The following NXN variants were observed in gnomAD, a reference collection of about 807,000 sequenced individuals.
The protein encoded by NXN is nucleoredoxin, also known as nucleoredoxin 1.
In NXN, 16 loss-of-function variants were observed where a neutral mutation model predicts 48.6. The observed-to-expected ratio is 0.33, with a 90% confidence interval of 0.22 to 0.50. The LOEUF is 0.50. NXN is among the 20% of genes least tolerant of loss of function. The pLI is 0.98. For synonymous variants in NXN, 281 were observed against 269.6 expected (o/e 1.04, Z -0.41); for missense variants, 492 against 605.5 (o/e 0.81, Z 1.97).
At chr17:904,615 C>T (rs2068566930) in intron 1 of NXN, among the ~76,000 whole-genome samples, 1 of 152,190 alleles carries the variant, frequency 6.6e-6, no homozygotes, top group African/African-American at 2.4e-5. Flanking sequence ...GCCATCTCGG[C>T]TCACTGCAAC....
intron 5 of NXN, among the ~76,000 whole-genome samples, chr17:813,236 C>T (rs912100505): frequency 3.3e-5 from 5 of 152,242 alleles, no homozygotes; most frequent in African/African-American, 1.2e-4. Flanking sequence ...AGCCTGGCCA[C>T]ATTTAAATAT....
At chr17:957,460 C>T (rs915549961) in intron 1 of NXN, among the ~76,000 whole-genome samples, 4 of 151,940 alleles carry the variant, frequency 2.6e-5, no homozygotes, top group South Asian at 2.1e-4. Context: ...GGCGAAACAC[C>T]GTCTCTACTA....
At chr17:904,210 G>A (rs545895141) in intron 1 of NXN, among the ~76,000 whole-genome samples, 2 of 152,320 alleles carry the variant, frequency 1.3e-5, no homozygotes, top group East Asian at 1.9e-4. Context: ...CCTGGGGAAG[G>A]GCTGGCCGAG....
chr17:966,126 A>G lies in NXN; in HGVS notation c.360+13193T>C, dbSNP rs188764485. On this transcript the variant is annotated intron_variant, in intron 1 of 7. Coordinates refer to ENST00000336868, the MANE Select transcript of NXN (RefSeq NM_022463.5). ...AGCAAAATTCTGTCTCAAAAAAAAA[A>G]AAAAGAAAAGAAAAGTGAATGCAAT... Among the ~76,000 whole-genome samples the G allele has an allele frequency of 3.0e-3, 456 of 152,062 alleles. 3 individuals are homozygous for G. The highest frequency in any genetic ancestry group is 8.8e-3 in the African/African-American group (366 of 41,486).
rs77672918 is a variant in NXN at position 881,787 on chromosome 17, G to A, written c.361-55709C>T. ...TGGGACACTTCTCAGCAATAAGAAG[G>A]AACAAACTGATGTATACAAAAACAA... is the stretch of plus-strand genomic sequence containing the variant. On this transcript the variant is annotated intron_variant, in intron 1 of 7. Transcript: ENST00000336868. 2.0e-5 allele frequency among the ~76,000 whole-genome samples: 3 copies of A among 152,140 alleles called. 1 individual carries two copies. Among genetic ancestry groups the A allele is most frequent in the Admixed American group, 2.0e-4 (3 of 15,270 alleles).
Position 932,102 on chromosome 17 carries a change from C to T in NXN, c.360+47217G>A, listed in dbSNP as rs1025407124. 6.6e-6 allele frequency among the ~76,000 whole-genome samples: 1 copy of T among 152,258 alleles called. No individual in the cohort carries two copies. Among genetic ancestry groups the T allele is most frequent in the African/African-American group, 2.4e-5 (1 of 41,534 alleles). On this transcript the variant is annotated intron_variant, in intron 1 of 7. Coordinates refer to ENST00000336868, the MANE Select transcript of NXN (RefSeq NM_022463.5). The surrounding 1 kb of genome is among the most constrained non-coding windows in gnomAD (Gnocchi z 4.1). ...GAGGTTGCAGTGAGCTGAGATTGCACCACTGCACTCCAGCCTGGGCAATAG... is the reference window on the plus strand; with the variant it reads ...GAGGTTGCAGTGAGCTGAGATTGCATCACTGCACTCCAGCCTGGGCAATAG...
At chr17:895,800 G>GACAGAGCCAGAC (rs1327841147) in intron 1 of NXN, among the ~76,000 whole-genome samples, 1 of 147,226 alleles carries the variant, frequency 6.8e-6, no homozygotes, top group African/African-American at 2.5e-5. Flanking sequence ...CCTGGGTTTT[G>GACAGAGCCAGAC]TTTGTCTCAA....
chr17:813,754 G>T (rs946220558), intron 5 of NXN, among the ~76,000 whole-genome samples: 1 of 150,778 alleles, frequency 6.6e-6, no homozygotes, highest in Non-Finnish European at 1.5e-5. Context: ...ACATCACGAG[G>T]TCAGGAGTTT....
intron 1 of NXN, among the ~76,000 whole-genome samples, chr17:869,475 G>T (rs1168622384): frequency 6.6e-6 from 1 of 152,230 alleles, no homozygotes; most frequent in Non-Finnish European, 1.5e-5. Flanking sequence ...AAGAAGGAAG[G>T]TCTCTAAAGC....
intron 1 of NXN, among the ~76,000 whole-genome samples, chr17:835,132 C>A (rs542715396): frequency 1.3e-5 from 2 of 151,178 alleles, no homozygotes; most frequent in East Asian, 2.0e-4. Context: ...CATGGTGAAA[C>A]CCTGTCTCTA....
At position 966,475 on chromosome 17, in the gene NXN, G is replaced by A. The variant is rs1209640628; in HGVS notation, c.360+12844C>T. On this transcript the variant is annotated intron_variant, in intron 1 of 7. Coordinates refer to ENST00000336868, the MANE Select transcript of NXN (RefSeq NM_022463.5). ...TGATTCTCCTGCCTCAGCCTCCCGAGTAGTTGGGATTGCAGGCATGCGCCA... is the reference window on the plus strand; with the variant it reads ...TGATTCTCCTGCCTCAGCCTCCCGAATAGTTGGGATTGCAGGCATGCGCCA... Among the ~76,000 whole-genome samples, 14 of 152,094 alleles carry A rather than the reference G, an allele frequency of 9.2e-5. No individual in the cohort carries two copies. The East Asian group carries it at 2.7e-3, about 30-fold the overall frequency.
At chr17:823,545 CTCACCCCCA>C in intron 3 of NXN, 78 bp downstream of exon 3, 3 of 1,502,266 alleles carry the variant, frequency 2.0e-6, no homozygotes, top group Non-Finnish European at 2.7e-6. Context: ...GCCTGGGTGT[CTCACCCCCA>C]GAAGCCAACC....
At chr17:863,436 G>A (rs1231110666) in intron 1 of NXN, among the ~76,000 whole-genome samples, 1 of 152,096 alleles carries the variant, frequency 6.6e-6, no homozygotes, top group Non-Finnish European at 1.5e-5. Context: ...CGAAGTGCTG[G>A]GATTACAGGT....
Position 803,626 on chromosome 17 carries a change from T to C in NXN, c.1125+56A>G. ...GCAACCCTGGGGCCAGGATCAGTCC[T>C]GTGCCAGAAGTCCCAGCTGAGCCAG... On this transcript the variant is annotated intron_variant, in intron 7 of 7. Transcript: ENST00000336868. 3.1e-6 allele frequency: 5 copies of C among 1,611,406 alleles called. No homozygotes were observed. The South Asian group carries it at 5.5e-5, about 18-fold the overall frequency.
rs1911340885 is a variant in NXN, at chr17:803,889, G to A, written c.1001-83C>T. On this transcript the variant is annotated intron_variant, in intron 6 of 7. Coordinates refer to ENST00000336868, the MANE Select transcript of NXN (RefSeq NM_022463.5). ...AGAGCGGCACCCGCCGAGGGGGCCT[G>A]AGCTGCAGAAACGCCCGCCTGAGCG... The A allele has an allele frequency of 8.2e-6, 13 of 1,576,998 alleles. 1 individual carries two copies. The South Asian group carries it at 1.5e-4, about 18-fold the overall frequency.
intron 1 of NXN, among the ~76,000 whole-genome samples, chr17:841,847 C>T (rs1005497853): frequency 2.0e-5 from 3 of 152,186 alleles, no homozygotes; most frequent in African/African-American, 7.2e-5. Context: ...CCAATTACAC[C>T]TGCTCTAGGT....
intron 1 of NXN, among the ~76,000 whole-genome samples, chr17:892,921 C>T (rs1051749505): frequency 2.6e-5 from 4 of 152,214 alleles, no homozygotes; most frequent in African/African-American, 9.7e-5. Flanking sequence ...TCAGTTGTAA[C>T]AAATGTAGCG....
intron 1 of NXN, among the ~76,000 whole-genome samples, chr17:856,146 T>G (rs1458714144): frequency 6.6e-6 from 1 of 151,336 alleles, no homozygotes; most frequent in African/African-American, 2.4e-5. Flanking sequence ...TGAGCCAAGG[T>G]CGCGCCACTG....
At chr17:872,197 G>A (rs2068161617) in intron 1 of NXN, among the ~76,000 whole-genome samples, 1 of 150,866 alleles carries the variant, frequency 6.6e-6, no homozygotes, top group Non-Finnish European at 1.5e-5. Flanking sequence ...AAGAGGAGAG[G>A]GAGGGAGGGA....
Sources: gnomAD v4.1 joint callset for allele counts (sites outside exome capture counted in the v4.1 genomes callset) on GRCh38, gnomAD v4.1.1 for gene constraint, Gnocchi (gnomAD v3.1) non-coding constraint, MANE v1.5 for transcripts, NCBI Gene and HGNC (gene_info 2026-07-23, HGNC 2026-07-21) for gene names.